Variants in GMEB1 observed in about 807,000 individuals in gnomAD.
GMEB1 encodes glucocorticoid modulatory element-binding protein 1.
GMEB1 carries 6 observed loss-of-function variants against 52.4 expected under a neutral mutation model. That is an observed-to-expected ratio of 0.11 (90% CI 0.06 to 0.23). The LOEUF is 0.23. Among genes scored for constraint, GMEB1 ranks in the 10% least tolerant of loss-of-function variants. The pLI is 1.00. For missense variants in GMEB1, 486 were observed against 685.6 expected (o/e 0.71, Z 3.25); for synonymous variants, 255 against 244.9 (o/e 1.04, Z -0.38).
chr1:28,707,023 C>T (rs565677641), intron 8 of GMEB1, among the ~76,000 whole-genome samples: 1 of 122,048 alleles, frequency 8.2e-6, no homozygotes, highest in Admixed American at 1.0e-4. Context: ...CTTGCTGTCT[C>T]CCAGGCTGGA....
At chr1:28,712,560 C>T (rs6694774) in intron 9 of GMEB1, among the ~76,000 whole-genome samples, 57,283 of 151,930 alleles carry the variant, frequency 0.38, 12,472 homozygotes, top group East Asian at 0.76. Flanking sequence ...GTGGCTCATG[C>T]CTGTAATCCC....
At chr1:28,673,046 C>T (rs1043484424) in intron 1 of GMEB1, among the ~76,000 whole-genome samples, 2 of 152,054 alleles carry the variant, frequency 1.3e-5, no homozygotes, top group African/African-American at 2.4e-5. Flanking sequence ...CAGGCATGTG[C>T]CACTACGCCC....
Position 28,717,480 on chromosome 1 carries a change from G to C in GMEB1, c.*2707G>C, listed in dbSNP as rs562740665. The stretch of plus-strand genomic sequence containing the variant: ...GTTGGGATTACAGGCATGAGCCACC[G>C]CACCCAGCCTGAAGGTGACTCTTAA... On this transcript the variant is annotated 3_prime_UTR_variant, in exon 10 of 10. Coordinates refer to ENST00000373816, the MANE Select transcript of GMEB1 (RefSeq NM_001319674.2). The C allele has an allele frequency of 6.6e-6, 1 of 152,282 alleles. No individual in the cohort carries two copies. Among genetic ancestry groups the C allele is most frequent in the South Asian group, 2.1e-4 (1 of 4,826 alleles). 9.4% of individuals were successfully genotyped at this position (152,282 alleles called of 1,614,324 possible).
chr1:28,674,687 GC>G (rs1316981244), intron 1 of GMEB1, among the ~76,000 whole-genome samples: 1 of 144,896 alleles, frequency 6.9e-6, no homozygotes, highest in Non-Finnish European at 1.5e-5. Context: ...GGGCCACCGT[GC>G]CCGGCCAGAA....
intron 8 of GMEB1, among the ~76,000 whole-genome samples, chr1:28,710,125 GGACA>G (rs761463342): frequency 6.6e-5 from 10 of 151,848 alleles, no homozygotes; most frequent in Non-Finnish European, 1.3e-4. Context: ...CCAGCCTGGG[GGACA>G]GAGCAAGACT....
In GMEB1 at chr1:28,704,196, C is replaced by T; in HGVS notation, c.735C>T (p.Asp245=). Residue 245 remains aspartate (D), a synonymous_variant, in exon 8 of 10, where the codon GAC becomes GAT. Transcript: ENST00000373816. ...GTCTTATCCTTCTTGTGCCAGAGGACACTTTGATGTTCTGGAAAGGAATAG... is the reference window on the plus strand; with the variant it reads ...GTCTTATCCTTCTTGTGCCAGAGGATACTTTGATGTTCTGGAAAGGAATAG... ...VKKDSEEISE[D]TLMFWKGIAD... 1.9e-6 allele frequency: 3 copies of T among 1,609,622 alleles called. No individual in the cohort carries two copies. Among genetic ancestry groups the T allele is most frequent in the Non-Finnish European group, 2.5e-6 (3 of 1,177,668 alleles).
intron 1 of GMEB1, among the ~76,000 whole-genome samples, chr1:28,680,189 T>C (rs142304616): frequency 7.3e-5 from 11 of 151,544 alleles, no homozygotes; most frequent in African/African-American, 2.6e-4. Flanking sequence ...AAGACCAGCC[T>C]GGGCAACATA....
chr1:28,687,450 G>GA (rs1337829224), intron 2 of GMEB1, among the ~76,000 whole-genome samples: 1 of 147,902 alleles, frequency 6.8e-6, no homozygotes, highest in South Asian at 2.1e-4. Context: ...GAAGGTATAA[G>GA]AAAGATGGCA....
At chr1:28,703,566 A>C (rs1437372502) in intron 7 of GMEB1, among the ~76,000 whole-genome samples, 1 of 152,112 alleles carries the variant, frequency 6.6e-6, no homozygotes, top group Non-Finnish European at 1.5e-5. Flanking sequence ...AGGCTGAGAC[A>C]GGAGAAGCAC....
chr1:28,681,354 C>T (rs1383893040), intron 1 of GMEB1, among the ~76,000 whole-genome samples: 5 of 151,936 alleles, frequency 3.3e-5, no homozygotes, highest in Non-Finnish European at 5.9e-5. Context: ...GGCAACGGAG[C>T]GAGACCGCGT....
Position 28,668,827 on chromosome 1 carries a change from C to G in GMEB1, c.-43C>G, listed in dbSNP as rs1387529917. 6.8e-5 allele frequency: 10 copies of G among 147,606 alleles called. 1 individual carries two copies. The highest frequency in any genetic ancestry group is 6.7e-4 in the Admixed American group (10 of 14,912). The allele number at this position is 147,606 out of a possible 1,614,324, so 9.1% of individuals were successfully genotyped here. A position where few individuals can be genotyped will look rare whatever the true frequency, so the allele number is the denominator to read the frequency against. On this transcript the variant is annotated 5_prime_UTR_variant, in exon 1 of 10. Transcript: ENST00000373816. ...GCCCTGGCCGCTCGCCGCCCGCCCGCCCGACGGAGACGGTGAGGAGGGGGA... is the reference window on the plus strand; with the variant it reads ...GCCCTGGCCGCTCGCCGCCCGCCCGGCCGACGGAGACGGTGAGGAGGGGGA...
At chr1:28,683,477 G>T (rs1055766962) in intron 1 of GMEB1, 106 bp from the exon 2 acceptor site, 6 of 893,126 alleles carry the variant, frequency 6.7e-6, no homozygotes, top group Non-Finnish European at 8.4e-6. Context: ...CGCCTGCCTA[G>T]CTAGGCCTCC....
rs1466877791 is a variant in GMEB1 at position 28,693,058 on chromosome 1, G to A, written c.440+13G>A. ...GGATCATGCTCAGGTAAGCTCTAATGTCAAGCACATACCTTTCAACAAACT... is the reference window on the plus strand; with the variant it reads ...GGATCATGCTCAGGTAAGCTCTAATATCAAGCACATACCTTTCAACAAACT... On this transcript the variant is annotated intron_variant, in intron 5 of 9. Transcript: ENST00000373816. 4.2e-6 allele frequency: 6 copies of A among 1,421,460 alleles called. No homozygotes were observed. Among genetic ancestry groups the A allele is most frequent in the Non-Finnish European group, 5.9e-6 (6 of 1,022,928 alleles). The allele number at this position is 1,421,460 out of a possible 1,614,324, so 88.1% of individuals were successfully genotyped here. A position where few individuals can be genotyped will look rare whatever the true frequency, so the allele number is the denominator to read the frequency against.
At position 28,673,833 on chromosome 1, in the gene GMEB1, G is replaced by T. The variant is rs528519866; in HGVS notation, c.-31+4994G>T. Among the ~76,000 whole-genome samples the T allele has an allele frequency of 3.0e-4, 45 of 152,038 alleles. 1 individual carries two copies. The South Asian group carries it at 9.4e-3, about 32-fold the overall frequency. Reference sequence around the variant, plus strand: ...GTTTGACACCAGGCTAGGCAACATAGCAAGACCTCATGTCTACAAAGAAGT... The same window carrying T: ...GTTTGACACCAGGCTAGGCAACATATCAAGACCTCATGTCTACAAAGAAGT... On this transcript the variant is annotated intron_variant, in intron 1 of 9. Transcript: ENST00000373816.
rs151237713 is a variant in GMEB1, at chr1:28,698,944, A to G, written c.598+1860A>G. 9.2e-3 allele frequency among the ~76,000 whole-genome samples: 1,401 copies of G among 152,228 alleles called. 18 individuals carry two copies. Among genetic ancestry groups the G allele is most frequent in the Non-Finnish European group, 0.011 (742 of 68,000 alleles). On this transcript the variant is annotated intron_variant, in intron 6 of 9. Coordinates refer to ENST00000373816, the MANE Select transcript of GMEB1 (RefSeq NM_001319674.2). ...GTTTGCAGTGAGCCGAGATCGTCCC[A>G]TATTCCAGCCTGGGTAACAGAGCAA...
At chr1:28,669,892 C>G (rs1253971796) in intron 1 of GMEB1, among the ~76,000 whole-genome samples, 3 of 152,126 alleles carry the variant, frequency 2.0e-5, no homozygotes, top group Non-Finnish European at 4.4e-5. Flanking sequence ...ACCCGAGGGT[C>G]TTTGGAGGAT....
intron 5 of GMEB1, among the ~76,000 whole-genome samples, chr1:28,694,337 C>T (rs1222307160): frequency 1.1e-4 from 16 of 150,010 alleles, no homozygotes; most frequent in South Asian, 6.4e-4. Flanking sequence ...ACTACAGGCG[C>T]GTGCCACCAT....
At chr1:28,702,778 G>A (rs529667173) in intron 7 of GMEB1, among the ~76,000 whole-genome samples, 7 of 152,254 alleles carry the variant, frequency 4.6e-5, no homozygotes, top group East Asian at 1.9e-4. Context: ...TTGGCCGGGC[G>A]CAGTGGCTGA....
intron 1 of GMEB1, among the ~76,000 whole-genome samples, chr1:28,677,841 T>C (rs984957882): frequency 2.0e-5 from 3 of 152,214 alleles, no homozygotes; most frequent in South Asian, 2.1e-4. Flanking sequence ...TTTTATCTTA[T>C]TTTATTTTAT....
Sources: allele counts gnomAD v4.1 joint callset (sites outside exome capture counted in the v4.1 genomes callset), GRCh38; gene constraint gnomAD v4.1.1; transcripts MANE v1.5; gene names NCBI Gene and HGNC (gene_info 2026-07-23, HGNC 2026-07-21).